Variants in BACH2 observed in about 807,000 individuals in gnomAD.
BACH2 encodes BACH transcriptional regulator 2, also known as transcription regulator protein BACH2.
Under a neutral mutation model 61.8 loss-of-function variants are expected in BACH2, and 5 were observed. The observed-to-expected ratio is 0.08, with a 90% confidence interval of 0.04 to 0.17. The LOEUF (loss-of-function observed/expected upper bound fraction) is 0.17. Ranked by LOEUF, BACH2 falls within the 10% of genes least tolerant of loss-of-function variation. BACH2 has a pLI of 1.00. For synonymous variants in BACH2, 446 were observed against 440.1 expected (o/e 1.01, Z -0.17); for missense variants, 824 against 1,091.1 (o/e 0.76, Z 3.45).
At chr6:89,948,913 C>A (rs1773907692) in intron 7 of BACH2, among the ~76,000 whole-genome samples, 1 of 152,150 alleles carries the variant, frequency 6.6e-6, no homozygotes, top group African/African-American at 2.4e-5. Flanking sequence ...GTTTCTCTTT[C>A]TCCATGTCTG....
chr6:90,014,202 G>T (rs945380319), intron 5 of BACH2, among the ~76,000 whole-genome samples: 2 of 150,602 alleles, frequency 1.3e-5, no homozygotes, highest in African/African-American at 4.9e-5. Flanking sequence ...TTTCTGGCCT[G>T]GTTTTAGCAT....
rs575040183 is a variant in BACH2, at chr6:90,286,970, T to C, written c.-446+9510A>G. Among the ~76,000 whole-genome samples the C allele has an allele frequency of 1.4e-4, 21 of 152,220 alleles. No homozygotes were observed. The South Asian group carries it at 4.4e-3, about 32-fold the overall frequency. ...GCAAAAACAAAGGAGAGGTAGGAACTAGAGGGCAGTTCCCCGCTAGACAGT... is the reference window on the plus strand; with the variant it reads ...GCAAAAACAAAGGAGAGGTAGGAACCAGAGGGCAGTTCCCCGCTAGACAGT... On this transcript the variant is annotated intron_variant, in intron 1 of 8. Coordinates refer to ENST00000257749, the MANE Select transcript of BACH2 (RefSeq NM_021813.4).
intron 5 of BACH2, among the ~76,000 whole-genome samples, chr6:90,076,054 G>GA (rs1411431329): frequency 2.0e-5 from 3 of 151,864 alleles, no homozygotes; most frequent in Non-Finnish European, 2.9e-5. Context: ...TAGAAGAAGC[G>GA]AAAAAAATGA....
chr6:90,169,507 CG>C (rs1229798789), intron 4 of BACH2, among the ~76,000 whole-genome samples: 4 of 152,164 alleles, frequency 2.6e-5, no homozygotes, highest in Non-Finnish European at 4.4e-5. Context: ...CCACTTCCTG[CG>C]GGTAGCCACT....
chr6:90,279,360 T>G (rs1771787956), intron 1 of BACH2, among the ~76,000 whole-genome samples: 1 of 151,704 alleles, frequency 6.6e-6, no homozygotes, highest in Non-Finnish European at 1.5e-5. Flanking sequence ...CCGTCTCTAC[T>G]AAAAATACAA....
intron 3 of BACH2, among the ~76,000 whole-genome samples, chr6:90,225,511 T>C (rs1325230094): frequency 2.0e-5 from 3 of 151,538 alleles, no homozygotes; most frequent in East Asian, 1.9e-4. Context: ...CTGAAAAAAA[T>C]TGGGAGTCAG....
In BACH2 at chr6:90,055,307, C is replaced by T. The variant is rs916653129; in HGVS notation, c.-13+33654G>A. On this transcript the variant is annotated intron_variant, in intron 5 of 8. Transcript: ENST00000257749. ...CCCGATGGAGCTGAAAACCAAGGCA[C>T]GAGAGCTACATGTCGAATGCAGAAG... Among the ~76,000 whole-genome samples, 14 of 152,128 alleles carry T rather than the reference C, an allele frequency of 9.2e-5. 1 individual carries two copies. The highest frequency in any genetic ancestry group is 2.6e-4 in the Admixed American group (4 of 15,284).
intron 3 of BACH2, among the ~76,000 whole-genome samples, chr6:90,242,215 C>T (rs1156595751): frequency 6.6e-6 from 1 of 152,158 alleles, no homozygotes; most frequent in Non-Finnish European, 1.5e-5. Context: ...AGTGTCACAG[C>T]CCTTAAAATC....
intron 4 of BACH2, among the ~76,000 whole-genome samples, chr6:90,202,991 G>GT (rs1769006834): frequency 6.6e-6 from 1 of 152,106 alleles, no homozygotes; most frequent in African/African-American, 2.4e-5. Flanking sequence ...TAATGCAGCA[G>GT]TAACACAGAT....
At chr6:90,109,753 T>C (rs1379930142) in intron 4 of BACH2, among the ~76,000 whole-genome samples, 2 of 152,184 alleles carry the variant, frequency 1.3e-5, no homozygotes, top group African/African-American at 4.8e-5. Flanking sequence ...TAGACTTCCA[T>C]CTGCCCTGCC....
intron 4 of BACH2, among the ~76,000 whole-genome samples, chr6:90,200,374 C>T (rs572612471): frequency 6.6e-6 from 1 of 152,216 alleles, no homozygotes; most frequent in South Asian, 2.1e-4. Flanking sequence ...AGAGGATGTA[C>T]TGTTAATTTT....
In BACH2 at chr6:89,951,973, T is replaced by A. The variant is rs1774156379; in HGVS notation, c.244-111A>T. On this transcript the variant is annotated intron_variant, in intron 6 of 8. Transcript: ENST00000257749. This position sits in a 1 kb window ranked among gnomAD's most constrained non-coding sequence, Gnocchi z 6.4. ...AGTGCTAATGTCCCAGAATAAAGACTGCAAAGGGGCAGTTAATCTTGTAGT... is the reference window on the plus strand; with the variant it reads ...AGTGCTAATGTCCCAGAATAAAGACAGCAAAGGGGCAGTTAATCTTGTAGT... 1.6e-5 allele frequency: 21 copies of A among 1,280,140 alleles called. No individual in the cohort carries two copies. Among genetic ancestry groups the A allele is most frequent in the Non-Finnish European group, 2.3e-5 (21 of 929,082 alleles). 79.3% of individuals were successfully genotyped at this position (1,280,140 alleles called of 1,614,324 possible).
intron 4 of BACH2, among the ~76,000 whole-genome samples, chr6:90,143,473 T>G (rs566781630): frequency 6.6e-6 from 1 of 152,232 alleles, no homozygotes; most frequent in South Asian, 2.1e-4. Context: ...CTCCACAAGG[T>G]TACCTGAACC....
chr6:90,071,776 T>TA (rs1236120159), intron 5 of BACH2, among the ~76,000 whole-genome samples: 1 of 152,198 alleles, frequency 6.6e-6, no homozygotes, highest in African/African-American at 2.4e-5. Flanking sequence ...ACTGATAACA[T>TA]AAATAGTCCA....
chr6:89,929,682 C>T lies in BACH2; in HGVS notation c.*2726G>A, dbSNP rs45519933. 0.082 allele frequency: 12,539 copies of T among 152,200 alleles called. 703 individuals are homozygous for T. Among genetic ancestry groups the T allele is most frequent in the Middle Eastern group, 0.15 (43 of 294 alleles). The allele number at this position is 152,200 out of a possible 1,614,324, so 9.4% of individuals were successfully genotyped here. ...AGGGTGGAGAGAAATAAAGAGGCCCCGCCCCTGCTAGAAATGGCTGCCAAA... is the reference window on the plus strand; with the variant it reads ...AGGGTGGAGAGAAATAAAGAGGCCCTGCCCCTGCTAGAAATGGCTGCCAAA... On this transcript the variant is annotated 3_prime_UTR_variant, in exon 9 of 9. Coordinates refer to ENST00000257749, the MANE Select transcript of BACH2 (RefSeq NM_021813.4).
chr6:89,946,793 G>A (rs1194388081), intron 7 of BACH2, among the ~76,000 whole-genome samples: 1 of 152,136 alleles, frequency 6.6e-6, no homozygotes, highest in African/African-American at 2.4e-5. Context: ...GTTAAATTTG[G>A]TATGTTTGGG....
intron 5 of BACH2, among the ~76,000 whole-genome samples, chr6:90,033,504 C>A (rs1779114687): frequency 6.6e-6 from 1 of 152,032 alleles, no homozygotes; most frequent in African/African-American, 2.4e-5. Flanking sequence ...AGACATTGGA[C>A]CCAACACAAC....
intron 3 of BACH2, among the ~76,000 whole-genome samples, chr6:90,246,778 T>C (rs190268736): frequency 2.6e-5 from 4 of 152,258 alleles, no homozygotes; most frequent in African/African-American, 9.6e-5. Context: ...AAACAAATTT[T>C]CTAGGAACAC....
intron 4 of BACH2, among the ~76,000 whole-genome samples, chr6:90,103,831 A>C (rs2127813139): frequency 6.6e-6 from 1 of 152,326 alleles, no homozygotes; most frequent in South Asian, 2.1e-4. Flanking sequence ...AGTTAAATGA[A>C]GTTCTACTGG....
Sources: gnomAD v4.1 joint callset for allele counts (sites outside exome capture counted in the v4.1 genomes callset) on GRCh38, gnomAD v4.1.1 for gene constraint, Gnocchi (gnomAD v3.1) non-coding constraint, MANE v1.5 for transcripts, NCBI Gene and HGNC (gene_info 2026-07-23, HGNC 2026-07-21) for gene names.